Variants in EHD3 observed in about 807,000 individuals in gnomAD.
The protein encoded by EHD3 is EH domain-containing protein 3.
Under a neutral mutation model 43.0 loss-of-function variants are expected in EHD3, and 17 were observed. The observed-to-expected ratio is 0.40, with a 90% CI of 0.27 to 0.59. EHD3 has a LOEUF of 0.59. EHD3 is among the 20% of genes least tolerant of loss of function. The pLI, the probability that EHD3 is intolerant of heterozygous loss-of-function variation, is 0.49. For synonymous variants in EHD3, 313 were observed against 289.5 expected, an observed-to-expected ratio of 1.08 and a Z score of -0.82; for missense variants, 594 against 705.6, an observed-to-expected ratio of 0.84 and a Z score of 1.79.
intron 1 of EHD3, among the ~76,000 whole-genome samples, chr2:31,236,149 C>A (rs375005456): frequency 6.6e-6 from 1 of 152,314 alleles, no homozygotes; most frequent in East Asian, 1.9e-4. Flanking sequence ...CACCTTGTAA[C>A]GCCAGCCTTC....
chr2:31,256,273 G>A (rs972823924), intron 3 of EHD3, among the ~76,000 whole-genome samples: 1 of 152,212 alleles, frequency 6.6e-6, no homozygotes, highest in African/African-American at 2.4e-5. Context: ...GAACAGCCAA[G>A]GTCACAGCTC....
At position 31,258,630 on chromosome 2, in the gene EHD3, T is replaced by A. The variant is rs575252018; in HGVS notation, c.503-1880T>A. Among the ~76,000 whole-genome samples the A allele has an allele frequency of 3.3e-5, 5 of 152,180 alleles. No individual in the cohort carries two copies. In the South Asian group the frequency reaches 1.0e-3, roughly 32 times the overall value. On this transcript the variant is annotated intron_variant, in intron 3 of 5. Transcript: ENST00000322054. The stretch of plus-strand genomic sequence containing the variant: ...TTCCTTTATCTGTTTGTATCTCTGG[T>A]TACTCCTCAGAGAAGTGGGGCTGAT...
chr2:31,260,248 T>G lies in EHD3; in HGVS notation c.503-262T>G, dbSNP rs1441077136. On this transcript the variant is annotated intron_variant, in intron 3 of 5. Coordinates refer to ENST00000322054, the MANE Select transcript of EHD3 (RefSeq NM_014600.3). This position sits in a 1 kb window ranked among gnomAD's most constrained non-coding sequence, Gnocchi z 4.6. ...TACTGAGCACCTACTAAGTGCCGGA[T>G]TCTAAGAGTATTTAATCTTCATAGT... is the stretch of plus-strand genomic sequence containing the variant. Among the ~76,000 whole-genome samples, 1 of 152,234 alleles carries G rather than the reference T, an allele frequency of 6.6e-6. No homozygotes were observed. The highest frequency in any genetic ancestry group is 1.5e-5 in the Non-Finnish European group (1 of 68,048).
intron 1 of EHD3, among the ~76,000 whole-genome samples, chr2:31,242,315 G>A (rs1025182912): frequency 6.6e-6 from 1 of 152,334 alleles, no homozygotes; most frequent in Non-Finnish European, 1.5e-5. Context: ...TGCACACGTT[G>A]TGGGGAGGGG....
rs961149591 is a variant in EHD3 at position 31,245,413 on chromosome 2, TATTTC to T, written c.404+968_404+972del. 7.9e-5 allele frequency among the ~76,000 whole-genome samples: 12 copies of T among 152,124 alleles called. 1 individual carries two copies. The highest frequency in any genetic ancestry group is 7.2e-4 in the Admixed American group (11 of 15,278). ...AGTTAGTGATAGTGTTACTATGTCT[TATTTC>T]ATTTGATTACTTAATTGTTTAGTGA... On this transcript the variant is annotated intron_variant, in intron 2 of 5. Transcript: ENST00000322054.
At chr2:31,251,286 G>A (rs545501750) in intron 3 of EHD3, among the ~76,000 whole-genome samples, 353 of 152,342 alleles carry the variant, frequency 2.3e-3, no homozygotes, top group African/African-American at 7.8e-3. Flanking sequence ...CACTATGCCT[G>A]TGTGTGAGCT....
chr2:31,264,372 G>C (rs1046720710), intron 5 of EHD3, among the ~76,000 whole-genome samples: 2 of 152,082 alleles, frequency 1.3e-5, no homozygotes, highest in African/African-American at 4.8e-5. Flanking sequence ...AGTTGCTTTG[G>C]GTGGGCCAGT....
chr2:31,264,108 G>A (rs1683900382), intron 5 of EHD3, among the ~76,000 whole-genome samples: 1 of 152,300 alleles, frequency 6.6e-6, no homozygotes, highest in African/African-American at 2.4e-5. Context: ...GTCATTGTGT[G>A]TGAACACCAT....
At chr2:31,258,199 G>A (rs1240026087) in intron 3 of EHD3, among the ~76,000 whole-genome samples, 1 of 152,104 alleles carries the variant, frequency 6.6e-6, no homozygotes, top group African/African-American at 2.4e-5. Flanking sequence ...CTGGCATCCG[G>A]GTAACCAAAG....
In EHD3 at chr2:31,244,391, G is replaced by C. The variant is rs1232642323; in HGVS notation, c.345G>C (p.Val115=). The change falls in exon 2 of 6, where the codon GTG becomes GTC. Residue 115 remains valine (V), a synonymous_variant. Transcript: ENST00000322054. ...GGATCATCCCTGGGAACGCCCTGGT[G>C]GTGGATCCCAAGAAACCCTTCAGGA... is the stretch of plus-strand genomic sequence containing the variant. ...MEGIIPGNAL[V]VDPKKPFRKL... 3.1e-6 allele frequency: 5 copies of C among 1,614,182 alleles called. No homozygotes were observed. Among genetic ancestry groups the C allele is most frequent in the Middle Eastern group, 1.7e-4 (1 of 6,058 alleles).
intron 3 of EHD3, among the ~76,000 whole-genome samples, chr2:31,253,413 C>T (rs1379838415): frequency 6.6e-6 from 1 of 152,160 alleles, no homozygotes; most frequent in African/African-American, 2.4e-5. Flanking sequence ...ACCGGACACC[C>T]TTCCTCCCTG....
chr2:31,256,430 T>A (rs1196689570), intron 3 of EHD3, among the ~76,000 whole-genome samples: 1 of 152,204 alleles, frequency 6.6e-6, no homozygotes, highest in Admixed American at 6.5e-5. Flanking sequence ...GTTTCCACGT[T>A]TTCCACGTTT....
At chr2:31,239,871 G>T (rs991799834) in intron 1 of EHD3, among the ~76,000 whole-genome samples, 1 of 151,876 alleles carries the variant, frequency 6.6e-6, no homozygotes, top group African/African-American at 2.4e-5. Context: ...TTAGAGGCAG[G>T]CTCTCAGGAA....
At chr2:31,253,707 G>T (rs1027064069) in intron 3 of EHD3, among the ~76,000 whole-genome samples, 2 of 152,164 alleles carry the variant, frequency 1.3e-5, no homozygotes, top group African/African-American at 4.8e-5. Context: ...TCAGGGTGTG[G>T]ACCCTCTACT....
intron 3 of EHD3, among the ~76,000 whole-genome samples, chr2:31,252,578 G>A (rs1016722729): frequency 4.6e-5 from 7 of 152,154 alleles, no homozygotes; most frequent in Admixed American, 6.5e-5. Context: ...GAGTTCAAGC[G>A]ATTCTCCTGC....
chr2:31,260,494 G>T lies in EHD3; in HGVS notation c.503-16G>T, dbSNP rs1173965614. ...ACCCCAAAGGCCCCAGCCCCTGATT[G>T]TCCCTCTGCCGGCAGGGTATGACTT... On this transcript the variant is annotated splice_polypyrimidine_tract_variant and intron_variant, in intron 3 of 5. Coordinates refer to ENST00000322054, the MANE Select transcript of EHD3 (RefSeq NM_014600.3). The surrounding 1 kb of genome is among the most constrained non-coding windows in gnomAD (Gnocchi z 4.6). 6.3e-7 allele frequency: 1 copy of T among 1,579,266 alleles called. No homozygotes were observed. Among genetic ancestry groups the T allele is most frequent in the Non-Finnish European group, 8.6e-7 (1 of 1,159,028 alleles).
At chr2:31,257,057 C>T (rs1018384598) in intron 3 of EHD3, among the ~76,000 whole-genome samples, 2 of 152,208 alleles carry the variant, frequency 1.3e-5, no homozygotes, top group African/African-American at 4.8e-5. Flanking sequence ...TCCCAGCAGC[C>T]CCTCCTGTGG....
chr2:31,236,103 T>C (rs1053798545), intron 1 of EHD3, among the ~76,000 whole-genome samples: 1 of 152,226 alleles, frequency 6.6e-6, no homozygotes, highest in Admixed American at 6.5e-5. Context: ...AACAGTCTAG[T>C]TACTAATTTT....
chr2:31,266,458 C>G lies in EHD3; in HGVS notation c.1362C>G (p.Thr454=), dbSNP rs376068126. The G allele has an allele frequency of 8.1e-6, 13 of 1,613,992 alleles. No homozygotes were observed. In the African/African-American group the frequency reaches 9.3e-5, roughly 12 times the overall value. The change falls in exon 6 of 6, where the codon ACC becomes ACG. Residue 454 remains threonine (T), a synonymous_variant. Coordinates refer to ENST00000322054, the MANE Select transcript of EHD3 (RefSeq NM_014600.3). This position sits in a 1 kb window ranked among gnomAD's most constrained non-coding sequence, Gnocchi z 5.1. ...DKPMYDEIFY[T]LSPVDGKITG... is the part of the protein sequence containing the mutation. The stretch of plus-strand genomic sequence containing the variant: ...CCATGTACGACGAGATCTTCTACAC[C>G]CTGTCACCGGTGGATGGCAAGATCA...
Sources: gnomAD v4.1 joint callset for allele counts (sites outside exome capture counted in the v4.1 genomes callset) on GRCh38, gnomAD v4.1.1 for gene constraint, Gnocchi (gnomAD v3.1) non-coding constraint, MANE v1.5 for transcripts, NCBI Gene and HGNC (gene_info 2026-07-23, HGNC 2026-07-21) for gene names.